The following ZNF431 variants were observed in gnomAD, a reference collection of about 807,000 sequenced individuals.
ZNF431 encodes the protein zinc finger protein 431.
ZNF431 carries 34 observed loss-of-function variants against 57.0 expected under a neutral mutation model. The observed-to-expected ratio is 0.60, with a 90% CI of 0.45 to 0.79. The LOEUF (loss-of-function observed/expected upper bound fraction) is 0.79. Ranked by LOEUF, ZNF431 falls within the 30% of genes least tolerant of loss-of-function variation. The pLI is 0.00. For synonymous variants in ZNF431, 207 were observed against 220.3 expected, an observed-to-expected ratio of 0.94 and a Z score of 0.54; for missense variants, 607 against 667.1, an observed-to-expected ratio of 0.91 and a Z score of 0.99.
rs1273958274 is a variant in ZNF431 at position 21,184,348 on chromosome 19, C to CA, written c.*322dup. ...TTGGCAACAGAGTGAGACTCCGTCT[C>CA]AAAAAAAATTTATACTGTACAAAAA... is the stretch of plus-strand genomic sequence containing the variant. On this transcript the variant is annotated 3_prime_UTR_variant, in exon 5 of 5. Transcript: ENST00000311048. The CA allele has an allele frequency of 1.6e-5, 3 of 193,510 alleles. No homozygotes were observed. The highest frequency in any genetic ancestry group is 5.4e-5 in the Admixed American group (1 of 18,652). The allele number at this position is 193,510 out of a possible 1,614,324, so 12.0% of individuals were successfully genotyped here.
intron 2 of ZNF431, among the ~76,000 whole-genome samples, chr19:21,157,213 C>T (rs1365280431): frequency 6.6e-6 from 1 of 152,248 alleles, no homozygotes; most frequent in Non-Finnish European, 1.5e-5. Flanking sequence ...TCTCACCTCA[C>T]TGCAACCTCT....
chr19:21,160,377 A>G (rs919427880), intron 2 of ZNF431, among the ~76,000 whole-genome samples: 2 of 152,210 alleles, frequency 1.3e-5, no homozygotes, highest in Non-Finnish European at 2.9e-5. Flanking sequence ...CTTAAGAGTG[A>G]GAGATCAAGG....
At chr19:21,171,814 G>A (rs1487900481) in intron 4 of ZNF431, among the ~76,000 whole-genome samples, 5 of 147,218 alleles carry the variant, frequency 3.4e-5, no homozygotes, top group African/African-American at 1.3e-4. Flanking sequence ...TCCACCTCCC[G>A]GGTTCAAGTG....
At chr19:21,147,902 C>T (rs1011057312) in intron 2 of ZNF431, among the ~76,000 whole-genome samples, 1 of 151,962 alleles carries the variant, frequency 6.6e-6, no homozygotes, top group African/African-American at 2.4e-5. Context: ...AGTTGACAGC[C>T]TTTTCTGTGT....
Position 21,192,610 on chromosome 19 carries a change from G to A in ZNF431, c.*8576G>A, listed in dbSNP as rs1033597935. 1 of 152,002 alleles carries A rather than the reference G, an allele frequency of 6.6e-6. No individual in the cohort carries two copies. Among genetic ancestry groups the A allele is most frequent in the African/African-American group, 2.4e-5 (1 of 41,376 alleles). 9.4% of individuals were successfully genotyped at this position (152,002 alleles called of 1,614,324 possible). ...TTTTTTCTCTAATTTCTTTGTCTTG[G>A]ATATTTAGTACCATGTTTAGTAAGT... is the stretch of plus-strand genomic sequence containing the variant. On this transcript the variant is annotated 3_prime_UTR_variant, in exon 5 of 5. Coordinates refer to ENST00000311048, the MANE Select transcript of ZNF431 (RefSeq NM_133473.4).
chr19:21,154,618 T>G (rs2144952994), intron 2 of ZNF431, among the ~76,000 whole-genome samples: 1 of 152,260 alleles, frequency 6.6e-6, no homozygotes, highest in African/African-American at 2.4e-5. Context: ...ATGGTTGAAC[T>G]AGTTTACAGT....
At chr19:21,162,834 T>G (rs907100726) in intron 2 of ZNF431, 4 of 842,556 alleles carry the variant, frequency 4.7e-6, no homozygotes, top group Non-Finnish European at 5.7e-6. Context: ...ACAGAAATAT[T>G]CCATTTAGCA....
rs140667861 is a variant in ZNF431 at position 21,157,807 on chromosome 19, C to T, written c.97-8528C>T. ...CCTCCCAAAGTGCTGGGATTACAGG[C>T]GTGAGCCACCGCACCCGGCCATTTG... On this transcript the variant is annotated intron_variant, in intron 2 of 4. Coordinates refer to ENST00000311048, the MANE Select transcript of ZNF431 (RefSeq NM_133473.4). Among the ~76,000 whole-genome samples, 624 of 151,488 alleles carry T rather than the reference C, an allele frequency of 4.1e-3. 4 individuals are homozygous for T. Among genetic ancestry groups the T allele is most frequent in the African/African-American group, 0.014 (560 of 41,290 alleles).
intron 4 of ZNF431, among the ~76,000 whole-genome samples, chr19:21,171,254 T>C (rs1970879980): frequency 6.6e-6 from 1 of 152,218 alleles, no homozygotes; most frequent in Non-Finnish European, 1.5e-5. Flanking sequence ...TCAAAATACC[T>C]GCCTTCCCTG....
chr19:21,157,233 G>A (rs1432866110), intron 2 of ZNF431, among the ~76,000 whole-genome samples: 1 of 152,142 alleles, frequency 6.6e-6, no homozygotes, highest in South Asian at 2.1e-4. Context: ...TGCCTCCTGG[G>A]TTCAAGCAAT....
chr19:21,190,541 A>G lies in ZNF431; in HGVS notation c.*6507A>G, dbSNP rs950503072. 3.3e-5 allele frequency: 5 copies of G among 151,906 alleles called. No homozygotes were observed. The highest frequency in any genetic ancestry group is 1.2e-4 in the African/African-American group (5 of 41,364). The allele number at this position is 151,906 out of a possible 1,614,324, so 9.4% of individuals were successfully genotyped here. On this transcript the variant is annotated 3_prime_UTR_variant, in exon 5 of 5. Coordinates refer to ENST00000311048, the MANE Select transcript of ZNF431 (RefSeq NM_133473.4). ...GTTATTCTAACAGGAATGAGTTGAT[A>G]TAGGGATTTTTTTTTTGGCTTGTCT...
chr19:21,188,663 AT>A lies in ZNF431; in HGVS notation c.*4634del, dbSNP rs1324795646. On this transcript the variant is annotated 3_prime_UTR_variant, in exon 5 of 5. Transcript: ENST00000311048. ...GGGAGAGGTTTAGTCTACAGTTTTT[AT>A]TTTTAGTCACCAAACTGTAGCCAAC... The A allele has an allele frequency of 6.6e-6, 1 of 152,034 alleles. No individual in the cohort carries two copies. Among genetic ancestry groups the A allele is most frequent in the Non-Finnish European group, 1.5e-5 (1 of 67,952 alleles). The allele number at this position is 152,034 out of a possible 1,614,324, so 9.4% of individuals were successfully genotyped here. A position where few individuals can be genotyped will look rare whatever the true frequency, so the allele number is the denominator to read the frequency against.
intron 4 of ZNF431, among the ~76,000 whole-genome samples, chr19:21,176,878 G>T (rs1010435208): frequency 6.6e-6 from 1 of 151,920 alleles, no homozygotes; most frequent in African/African-American, 2.4e-5. Flanking sequence ...TGTATTTTTA[G>T]TAGAGATGGG....
At chr19:21,171,705 T>C (rs527471147) in intron 4 of ZNF431, among the ~76,000 whole-genome samples, 12 of 14,464 alleles carry the variant, frequency 8.3e-4, no homozygotes, top group African/African-American at 3.0e-3. Flanking sequence ...TGAATATATA[T>C]ATATATATTT....
At chr19:21,161,930 A>G (rs1445511098) in intron 2 of ZNF431, among the ~76,000 whole-genome samples, 1 of 152,064 alleles carries the variant, frequency 6.6e-6, no homozygotes, top group Non-Finnish European at 1.5e-5. Context: ...TTGGGATTAC[A>G]GGCGTGAGCC....
At chr19:21,167,249 C>A (rs1012598978) in intron 3 of ZNF431, among the ~76,000 whole-genome samples, 2 of 151,980 alleles carry the variant, frequency 1.3e-5, no homozygotes, top group Admixed American at 6.6e-5. Flanking sequence ...CCACCTCCGC[C>A]TCCCGGGTCC....
chr19:21,154,573 T>C (rs373702982), intron 2 of ZNF431, among the ~76,000 whole-genome samples: 1 of 152,206 alleles, frequency 6.6e-6, no homozygotes, highest in East Asian at 1.9e-4. Flanking sequence ...TTTCTAGTTC[T>C]AGATCCCTGA....
rs1971415382 is a variant in ZNF431, at chr19:21,187,923, G to A, written c.*3889G>A. 6.6e-6 allele frequency: 1 copy of A among 151,954 alleles called. No homozygotes were observed. Among genetic ancestry groups the A allele is most frequent in the African/African-American group, 2.4e-5 (1 of 41,352 alleles). 9.4% of individuals were successfully genotyped at this position (151,954 alleles called of 1,614,324 possible). ...TTTGATGAGGAAGTTGGTATTTTTAGTGCACACAAAAATTGGTTTTAACTG... is the reference window on the plus strand; with the variant it reads ...TTTGATGAGGAAGTTGGTATTTTTAATGCACACAAAAATTGGTTTTAACTG... On this transcript the variant is annotated 3_prime_UTR_variant, in exon 5 of 5. Coordinates refer to ENST00000311048, the MANE Select transcript of ZNF431 (RefSeq NM_133473.4).
chr19:21,181,249 TTCAGCA>T (rs1365399097), intron 4 of ZNF431, among the ~76,000 whole-genome samples: 3 of 152,208 alleles, frequency 2.0e-5, no homozygotes, highest in Admixed American at 6.5e-5. Context: ...AGCAACGGTT[TTCAGCA>T]TCTTTTATAT....
Sources: allele counts gnomAD v4.1 joint callset (sites outside exome capture counted in the v4.1 genomes callset), GRCh38; gene constraint gnomAD v4.1.1; transcripts MANE v1.5; gene names NCBI Gene and HGNC (gene_info 2026-07-23, HGNC 2026-07-21).